TIMM23B: variants seen among roughly 807,000 people sequenced by gnomAD.
TIMM23B encodes mitochondrial import inner membrane translocase subunit Tim23B.
A neutral mutation model predicts 27.3 loss-of-function variants in TIMM23B; 27 were observed. The observed-to-expected ratio is 0.99, with a 90% CI of 0.73 to 1.36. TIMM23B has a LOEUF of 1.36. TIMM23B is among the 40% of genes most tolerant of loss of function. The probability of loss-of-function intolerance (pLI) is 0.00; values close to 1 mark genes in which losing one functional copy is unlikely to be tolerated. For synonymous variants in TIMM23B, 73 were observed against 92.4 expected, an observed-to-expected ratio of 0.79 and a Z score of 1.21; for missense variants, 205 against 244.2, an observed-to-expected ratio of 0.84 and a Z score of 1.07.
chr10:49,950,839 G>T (rs1839507696), intron 2 of TIMM23B, among the ~76,000 whole-genome samples: 1 of 152,216 alleles, frequency 6.6e-6, no homozygotes, highest in African/African-American at 2.4e-5. Context: ...ACCGTGCCTG[G>T]CCAAGTTTTC....
chr10:49,963,067 AT>A (rs1839976696), intron 6 of TIMM23B, among the ~76,000 whole-genome samples: 1 of 151,288 alleles, frequency 6.6e-6, no homozygotes, highest in Admixed American at 6.6e-5. Context: ...AATTTTGTGT[AT>A]TTTTAGTAGA....
In TIMM23B at chr10:49,973,388, T is replaced by C. The variant is rs1840534417; in HGVS notation, c.*324T>C. ...AACAAATTTTCTTCTTAATAAAGAA[T>C]CCAGTTGCTGGGCACAATGGTTCAC... On this transcript the variant is annotated 3_prime_UTR_variant, in exon 7 of 7. Coordinates refer to ENST00000651259, the MANE Select transcript of TIMM23B (RefSeq NM_001290117.2). The C allele has an allele frequency of 3.0e-6, 1 of 329,150 alleles. No homozygotes were observed. Among genetic ancestry groups the C allele is most frequent in the Non-Finnish European group, 5.5e-6 (1 of 181,048 alleles). 20.4% of individuals were successfully genotyped at this position (329,150 alleles called of 1,614,324 possible).
intron 6 of TIMM23B, among the ~76,000 whole-genome samples, chr10:49,960,462 T>G (rs1398260004): frequency 4.0e-5 from 6 of 151,822 alleles, no homozygotes; most frequent in Non-Finnish European, 8.8e-5. Flanking sequence ...AGGAAAGCTG[T>G]GTTAACTCTG....
intron 6 of TIMM23B, among the ~76,000 whole-genome samples, chr10:49,963,436 G>A (rs1266731812): frequency 6.6e-6 from 1 of 152,096 alleles, no homozygotes; most frequent in East Asian, 1.9e-4. Context: ...TCCAACCTGG[G>A]CAATAGAGCA....
In TIMM23B at chr10:49,956,428, T is replaced by C. The variant is rs1173331831; in HGVS notation, c.403+1368T>C. 1.2e-4 allele frequency among the ~76,000 whole-genome samples: 6 copies of C among 51,222 alleles called. No homozygotes were observed. The South Asian group carries it at 3.1e-3, about 26-fold the overall frequency. The allele number at this position is 51,222 out of a possible 152,430, so 33.6% of individuals were successfully genotyped here. A position where few individuals can be genotyped will look rare whatever the true frequency, so the allele number is the denominator to read the frequency against. On this transcript the variant is annotated intron_variant, in intron 5 of 6. Coordinates refer to ENST00000651259, the MANE Select transcript of TIMM23B (RefSeq NM_001290117.2). Reference sequence around the variant, plus strand: ...TATTTTTTCTTATACTAGAAATACGTGTGTGTGTGTGTGTGTGTGTGTGTG... The same window carrying C: ...TATTTTTTCTTATACTAGAAATACGCGTGTGTGTGTGTGTGTGTGTGTGTG...
intron 3 of TIMM23B, 27 bp downstream of exon 3, chr10:49,952,246 G>C (rs1374906436): frequency 1.3e-6 from 2 of 1,587,316 alleles, no homozygotes; most frequent in African/African-American, 2.7e-5. Flanking sequence ...TTTTTCTCAA[G>C]AGTGCTCAGT....
intron 6 of TIMM23B, among the ~76,000 whole-genome samples, chr10:49,962,252 C>T (rs1392948887): frequency 2.9e-4 from 44 of 150,212 alleles, no homozygotes; most frequent in African/African-American, 1.0e-3. Context: ...CGCCAGGCTG[C>T]GGTGCAGTGG....
chr10:49,953,011 TA>T (rs1399342083), intron 4 of TIMM23B, among the ~76,000 whole-genome samples: 197 of 152,356 alleles, frequency 1.3e-3, no homozygotes, highest in African/African-American at 2.7e-3. Flanking sequence ...ATAAAATTTT[TA>T]GAATTAGAGT....
At chr10:49,947,664 G>A (rs1196028855) in intron 2 of TIMM23B, among the ~76,000 whole-genome samples, 5 of 151,314 alleles carry the variant, frequency 3.3e-5, no homozygotes, top group African/African-American at 7.3e-5. Context: ...GCAGTGGCTC[G>A]TGCCTATAAT....
chr10:49,953,919 A>G (rs1380097786), intron 4 of TIMM23B, among the ~76,000 whole-genome samples: 1 of 152,192 alleles, frequency 6.6e-6, no homozygotes, highest in African/African-American at 2.4e-5. Flanking sequence ...CCCCAATATC[A>G]TATTAAATAC....
intron 2 of TIMM23B, among the ~76,000 whole-genome samples, chr10:49,946,732 C>G (rs1237742940): frequency 6.7e-6 from 1 of 149,528 alleles, no homozygotes; most frequent in East Asian, 1.9e-4. Context: ...AATGGCAGTG[C>G]TCACCAAATT....
intron 6 of TIMM23B, 196 bp from the exon 7 acceptor site, chr10:49,972,816 C>G: frequency 1.7e-6 from 1 of 588,698 alleles, no homozygotes. Flanking sequence ...TCATTTTCAT[C>G]TTGCAATTCA....
chr10:49,965,576 A>G (rs564867184), intron 6 of TIMM23B, among the ~76,000 whole-genome samples: 1 of 151,540 alleles, frequency 6.6e-6, no homozygotes, highest in South Asian at 2.1e-4. Context: ...ACGAAATGCC[A>G]GGTGAAATGA....
At chr10:49,942,764 A>T (rs1839183601) in intron 1 of TIMM23B, among the ~76,000 whole-genome samples, 1 of 152,198 alleles carries the variant, frequency 6.6e-6, no homozygotes, top group Non-Finnish European at 1.5e-5. Context: ...ATGACTTGGG[A>T]CAGGCTAGGA....
intron 2 of TIMM23B, among the ~76,000 whole-genome samples, chr10:49,950,690 C>T (rs1839500191): frequency 6.6e-6 from 1 of 151,740 alleles, no homozygotes; most frequent in Non-Finnish European, 1.5e-5. Context: ...TACAGGCGCA[C>T]ACTGCCACGC....
chr10:49,958,990 T>C (rs1839812544), intron 6 of TIMM23B, among the ~76,000 whole-genome samples: 1 of 152,268 alleles, frequency 6.6e-6, no homozygotes, highest in Non-Finnish European at 1.5e-5. Context: ...TACCACATTT[T>C]GCATGTGCAT....
At chr10:49,964,120 A>G (rs1457898572) in intron 6 of TIMM23B, among the ~76,000 whole-genome samples, 2 of 151,298 alleles carry the variant, frequency 1.3e-5, no homozygotes, top group Non-Finnish European at 2.9e-5. Context: ...AATGAAATGA[A>G]GAAATATGAA....
chr10:49,972,313 C>T (rs1840486770), intron 6 of TIMM23B, among the ~76,000 whole-genome samples: 1 of 152,008 alleles, frequency 6.6e-6, no homozygotes, highest in African/African-American at 2.4e-5. Context: ...ACAGGTTGCA[C>T]TAGAAGTTGC....
At chr10:49,942,473 G>A (rs1284825453) in intron 1 of TIMM23B, among the ~76,000 whole-genome samples, 173 bp downstream of exon 1, 1 of 152,056 alleles carries the variant, frequency 6.6e-6, no homozygotes, top group Admixed American at 6.5e-5. Flanking sequence ...AGATAGAAAG[G>A]CCTAAAAAAG....
Sources: allele counts gnomAD v4.1 joint callset (sites outside exome capture counted in the v4.1 genomes callset), GRCh38; gene constraint gnomAD v4.1.1; transcripts MANE v1.5; gene names NCBI Gene and HGNC (gene_info 2026-07-23, HGNC 2026-07-21).